Variants in TEAD1 observed in about 807,000 individuals in gnomAD.
TEAD1 encodes the protein TEA domain transcription factor 1.
Under a neutral mutation model 54.9 loss-of-function variants are expected in TEAD1, and 9 were observed. The observed-to-expected ratio is 0.16, with a 90% confidence interval of 0.10 to 0.29. The LOEUF is 0.29. TEAD1 is among the 10% of genes least tolerant of loss of function. The pLI is 1.00. For synonymous variants in TEAD1, 200 were observed against 187.8 expected (o/e 1.07, Z -0.53); for missense variants, 387 against 535.9 (o/e 0.72, Z 2.74).
At chr11:12,873,655 C>A (rs1045250372) in intron 5 of TEAD1, among the ~76,000 whole-genome samples, 2 of 152,112 alleles carry the variant, frequency 1.3e-5, no homozygotes, top group African/African-American at 4.8e-5. Flanking sequence ...GAAGTAGTCT[C>A]CTTTTGTATT....
chr11:12,720,629 A>G (rs1367465635), intron 2 of TEAD1, among the ~76,000 whole-genome samples: 1 of 152,200 alleles, frequency 6.6e-6, no homozygotes, highest in Non-Finnish European at 1.5e-5. Flanking sequence ...ATCCAAGCCA[A>G]TTTCATTTCA....
Position 12,879,732 on chromosome 11 carries a change from C to T in TEAD1, c.355C>T (p.Leu119=). The T allele has an allele frequency of 6.2e-7, 1 of 1,614,192 alleles. No individual in the cohort carries two copies. The highest frequency in any genetic ancestry group is 8.5e-7 in the Non-Finnish European group (1 of 1,180,040). The change falls in exon 6 of 13, where the codon CTG becomes TTG. Residue 119 remains leucine (L), a synonymous_variant. Transcript: ENST00000527636. ...GGATCAGACTGCAAAGGATAAGGCCCTGCAGCACATGGCGGCCATGTCCTC... is the reference window on the plus strand; with the variant it reads ...GGATCAGACTGCAAAGGATAAGGCCTTGCAGCACATGGCGGCCATGTCCTC...
At chr11:12,796,181 AC>A (rs1945915520) in intron 3 of TEAD1, among the ~76,000 whole-genome samples, 2 of 152,164 alleles carry the variant, frequency 1.3e-5, no homozygotes, top group Non-Finnish European at 2.9e-5. Flanking sequence ...TTCTGACTTT[AC>A]CTCTTACAGA....
intron 3 of TEAD1, among the ~76,000 whole-genome samples, chr11:12,858,224 C>T (rs1260699084): frequency 6.6e-6 from 1 of 152,148 alleles, no homozygotes; most frequent in Non-Finnish European, 1.5e-5. Flanking sequence ...CCAAAAAGAT[C>T]TTCCAAAATT....
chr11:12,804,827 G>A (rs919396203), intron 3 of TEAD1, among the ~76,000 whole-genome samples: 2 of 152,098 alleles, frequency 1.3e-5, no homozygotes, highest in African/African-American at 4.8e-5. Context: ...TAAAAACTAG[G>A]GTTTCTTCAG....
rs371277650 is a variant in TEAD1 at position 12,895,765 on chromosome 11, G to A, written c.700-6175G>A. On this transcript the variant is annotated intron_variant, in intron 9 of 12. Coordinates refer to ENST00000527636, the MANE Select transcript of TEAD1 (RefSeq NM_021961.6). ...TCACCTTCCAGTTCTACTTTTTGGG[G>A]ACCATTGCTTGCAGCCTTTTCAGCC... Among the ~76,000 whole-genome samples, 6 of 152,260 alleles carry A rather than the reference G, an allele frequency of 3.9e-5. No homozygotes were observed. In the South Asian group the frequency reaches 1.0e-3, roughly 26 times the overall value.
At chr11:12,755,572 C>T (rs372591604) in intron 2 of TEAD1, among the ~76,000 whole-genome samples, 4 of 152,242 alleles carry the variant, frequency 2.6e-5, no homozygotes, top group East Asian at 3.9e-4. Flanking sequence ...TATGAGTTTT[C>T]CTTTTGAAAT....
intron 3 of TEAD1, among the ~76,000 whole-genome samples, chr11:12,812,140 T>A (rs577490809): frequency 8.0e-4 from 122 of 152,276 alleles, no homozygotes; most frequent in Non-Finnish European, 3.4e-4. Flanking sequence ...ACTGTCTTTA[T>A]GATATACATG....
At chr11:12,774,662 C>T (rs1255897163) in intron 3 of TEAD1, among the ~76,000 whole-genome samples, 1 of 152,182 alleles carries the variant, frequency 6.6e-6, no homozygotes, top group Non-Finnish European at 1.5e-5. Flanking sequence ...TAGAATGGGG[C>T]TGGTAAGTCA....
chr11:12,875,682 T>C (rs965535505), intron 5 of TEAD1, among the ~76,000 whole-genome samples: 1 of 152,088 alleles, frequency 6.6e-6, no homozygotes, highest in Admixed American at 6.5e-5. Context: ...TTGCAGAAAA[T>C]TGCCTATTCT....
At chr11:12,851,004 T>G (rs1947262047) in intron 3 of TEAD1, 1 of 882,482 alleles carries the variant, frequency 1.1e-6, no homozygotes, top group Non-Finnish European at 1.4e-6. Flanking sequence ...TTTACAGATT[T>G]CAGGTGATAT....
At chr11:12,694,277 G>A (rs569497912) in intron 2 of TEAD1, among the ~76,000 whole-genome samples, 1 of 150,960 alleles carries the variant, frequency 6.6e-6, no homozygotes, top group African/African-American at 2.5e-5. Context: ...TCACTTGAGA[G>A]AAAGGAGAGA....
At chr11:12,831,597 G>A (rs1006465510) in intron 3 of TEAD1, among the ~76,000 whole-genome samples, 6 of 151,948 alleles carry the variant, frequency 3.9e-5, no homozygotes, top group African/African-American at 1.5e-4. Flanking sequence ...GGCTGATATA[G>A]TGAGACCTTA....
At chr11:12,760,616 A>T (rs974756544) in intron 2 of TEAD1, among the ~76,000 whole-genome samples, 2 of 152,114 alleles carry the variant, frequency 1.3e-5, no homozygotes, top group Non-Finnish European at 2.9e-5. Context: ...TGCATAATTC[A>T]CTCATTTAGA....
intron 9 of TEAD1, among the ~76,000 whole-genome samples, chr11:12,899,338 A>G (rs1179896963): frequency 6.6e-6 from 1 of 151,904 alleles, no homozygotes; most frequent in Admixed American, 6.6e-5. Flanking sequence ...TCCCCATTCC[A>G]TTTTGTGTTT....
At position 12,912,601 on chromosome 11, in the gene TEAD1, C is replaced by A. The variant is rs972948900; in HGVS notation, c.873+10488C>A. On this transcript the variant is annotated intron_variant, in intron 10 of 12. Coordinates refer to ENST00000527636, the MANE Select transcript of TEAD1 (RefSeq NM_021961.6). ...ACCCTGGTCACAGGGGCATTCACTT[C>A]AAAAGACCATACCTGAATCCTCTGA... Among the ~76,000 whole-genome samples, 86 of 151,938 alleles carry A rather than the reference C, an allele frequency of 5.7e-4. 2 individuals are homozygous for A.
intron 3 of TEAD1, among the ~76,000 whole-genome samples, chr11:12,860,169 C>A (rs1947469679): frequency 6.6e-6 from 1 of 152,084 alleles, no homozygotes; most frequent in African/African-American, 2.4e-5. Flanking sequence ...ATCTGAAAGG[C>A]AGTTAAATAA....
At chr11:12,681,619 C>T (rs768522186) in intron 2 of TEAD1, among the ~76,000 whole-genome samples, 1 of 152,218 alleles carries the variant, frequency 6.6e-6, no homozygotes, top group Non-Finnish European at 1.5e-5. Flanking sequence ...AGGGAATCTG[C>T]ACTTAGTAGG....
intron 12 of TEAD1, among the ~76,000 whole-genome samples, chr11:12,936,645 A>G (rs1341248296): frequency 1.3e-5 from 2 of 152,350 alleles, no homozygotes; most frequent in African/African-American, 4.8e-5. Context: ...TACATCTATC[A>G]TCACATTGTA....
Sources: gnomAD v4.1 joint callset for allele counts (sites outside exome capture counted in the v4.1 genomes callset) on GRCh38, gnomAD v4.1.1 for gene constraint, MANE v1.5 for transcripts, NCBI Gene and HGNC (gene_info 2026-07-23, HGNC 2026-07-21) for gene names.